RAD51B: variants seen among roughly 807,000 people sequenced by gnomAD.
The protein encoded by RAD51B is DNA repair protein RAD51 homolog 2.
In RAD51B, 38 loss-of-function variants were observed where a neutral mutation model predicts 42.2. The observed-to-expected ratio is 0.90, with a 90% CI of 0.70 to 1.18. The LOEUF is 1.18. Among genes scored for constraint, RAD51B ranks in the 50% most tolerant of loss-of-function variants. RAD51B has a pLI of 0.00. For synonymous variants in RAD51B, 154 were observed against 145.2 expected (o/e 1.06, Z -0.43); for missense variants, 373 against 400.7 (o/e 0.93, Z 0.59).
chr14:68,056,364 G>T (rs2076474447), intron 7 of RAD51B, among the ~76,000 whole-genome samples: 1 of 151,940 alleles, frequency 6.6e-6, no homozygotes, highest in South Asian at 2.1e-4. Flanking sequence ...GGTCAGGCTG[G>T]TCTCTAACTC....
chr14:67,993,221 A>C (rs911479194), intron 7 of RAD51B, among the ~76,000 whole-genome samples: 4 of 152,118 alleles, frequency 2.6e-5, no homozygotes, highest in Non-Finnish European at 5.9e-5. Flanking sequence ...TAGTTATTTT[A>C]AAATGTACAA....
At chr14:67,886,365 A>G (rs1005821555) in intron 6 of RAD51B, among the ~76,000 whole-genome samples, 2 of 152,144 alleles carry the variant, frequency 1.3e-5, no homozygotes, top group Non-Finnish European at 2.9e-5. Flanking sequence ...GGTTATAGTC[A>G]AGCTGGTGGC....
At chr14:68,025,224 T>C (rs932885698) in intron 7 of RAD51B, among the ~76,000 whole-genome samples, 2 of 152,200 alleles carry the variant, frequency 1.3e-5, no homozygotes, top group African/African-American at 4.8e-5. Flanking sequence ...AAATTTTTGA[T>C]ATGCTGCTGG....
intron 8 of RAD51B, among the ~76,000 whole-genome samples, chr14:68,301,932 C>T (rs1566794705): frequency 6.6e-6 from 1 of 152,064 alleles, no homozygotes; most frequent in African/African-American, 2.4e-5. Context: ...ATTTTTGTCA[C>T]TTTTGTTCAG....
intron 8 of RAD51B, among the ~76,000 whole-genome samples, chr14:68,303,109 G>A (rs569021112): frequency 1.2e-3 from 176 of 152,214 alleles, no homozygotes; most frequent in Non-Finnish European, 1.6e-3. Flanking sequence ...AAGAAAATGT[G>A]GCACATACAC....
chr14:67,830,971 G>A (rs1171821578), intron 3 of RAD51B, among the ~76,000 whole-genome samples: 7 of 147,596 alleles, frequency 4.7e-5, no homozygotes, highest in South Asian at 2.2e-4. Context: ...AGGCTCCCAC[G>A]TTCAAGTGAT....
chr14:68,461,562 A>G (rs1594872117), intron 9 of RAD51B, among the ~76,000 whole-genome samples: 2 of 152,202 alleles, frequency 1.3e-5, no homozygotes, highest in African/African-American at 2.4e-5. Context: ...ATTAACGTCC[A>G]TTGGTTGTTG....
chr14:68,564,986 A>G (rs1183791575), intron 10 of RAD51B, among the ~76,000 whole-genome samples: 1 of 152,272 alleles, frequency 6.6e-6, no homozygotes, highest in African/African-American at 2.4e-5. Flanking sequence ...TCACTGAGCC[A>G]GATTCCAGCC....
intron 10 of RAD51B, among the ~76,000 whole-genome samples, chr14:68,634,119 CTG>C (rs541766546): frequency 9.7e-4 from 148 of 152,330 alleles, no homozygotes; most frequent in Non-Finnish European, 4.4e-5. Context: ...CTCTTCCTAA[CTG>C]TGCAAACTTG....
intron 7 of RAD51B, among the ~76,000 whole-genome samples, chr14:67,909,492 A>C (rs532851549): frequency 8.1e-4 from 124 of 152,310 alleles, no homozygotes; most frequent in African/African-American, 2.9e-3. Context: ...TACTTATCAT[A>C]AGGAAACAAA....
At chr14:68,341,660 G>A (rs1318246644) in intron 8 of RAD51B, among the ~76,000 whole-genome samples, 5 of 152,188 alleles carry the variant, frequency 3.3e-5, no homozygotes. Context: ...TATGGGAGGA[G>A]CAATGCAGCA....
At chr14:68,540,538 A>G in intron 10 of RAD51B, 1 of 985,336 alleles carries the variant, frequency 1.0e-6, no homozygotes, top group South Asian at 4.7e-5. Context: ...TACTAGTGGG[A>G]TCATCAAACA....
chr14:67,941,855 C>T (rs2045221601), intron 7 of RAD51B, among the ~76,000 whole-genome samples: 1 of 152,182 alleles, frequency 6.6e-6, no homozygotes, highest in South Asian at 2.1e-4. Flanking sequence ...TTCTTTCATT[C>T]CCATGTCTCA....
intron 8 of RAD51B, among the ~76,000 whole-genome samples, chr14:68,322,986 T>A (rs923566519): frequency 6.6e-6 from 1 of 152,186 alleles, no homozygotes. Context: ...GACCAGTAGA[T>A]TCGTGACTAT....
intron 10 of RAD51B, chr14:68,594,424 G>T: frequency 7.5e-7 from 1 of 1,340,300 alleles, no homozygotes; most frequent in Non-Finnish European, 9.9e-7. Context: ...GAAGCCTCAG[G>T]GCCTCAGAGA....
chr14:68,651,781 C>T (rs1892704403), intron 11 of RAD51B, among the ~76,000 whole-genome samples: 1 of 152,206 alleles, frequency 6.6e-6, no homozygotes. Context: ...GGAGAGAGGC[C>T]TCGGCAATGT....
intron 10 of RAD51B, among the ~76,000 whole-genome samples, chr14:68,575,583 C>T (rs557999870): frequency 1.3e-5 from 2 of 152,260 alleles, no homozygotes; most frequent in South Asian, 4.1e-4. Flanking sequence ...TCCATCTCCT[C>T]CCCTCTCCCT....
intron 7 of RAD51B, among the ~76,000 whole-genome samples, chr14:67,953,786 G>A (rs2074498136): frequency 6.6e-6 from 1 of 152,132 alleles, no homozygotes; most frequent in South Asian, 2.1e-4. Context: ...TAGGGCACTG[G>A]TTGTACCATT....
chr14:68,590,473 T>C (rs944287527), intron 10 of RAD51B, among the ~76,000 whole-genome samples: 10 of 152,212 alleles, frequency 6.6e-5, no homozygotes, highest in African/African-American at 2.2e-4. Context: ...GGGTTGCCTG[T>C]CCCATCAGTC....
Sources: gnomAD v4.1 joint callset for allele counts (sites outside exome capture counted in the v4.1 genomes callset) on GRCh38, gnomAD v4.1.1 for gene constraint, MANE v1.5 for transcripts, NCBI Gene and HGNC (gene_info 2026-07-23, HGNC 2026-07-21) for gene names.